The following ATRNL1 variants were observed in gnomAD, a reference collection of about 807,000 sequenced individuals.
The protein encoded by ATRNL1 is attractin like 1.
ATRNL1 carries 95 observed loss-of-function variants against 182.7 expected under a neutral mutation model. The ratio of observed to expected loss-of-function variants is 0.52; its 90% CI spans 0.44 to 0.62. ATRNL1 has a LOEUF of 0.62. Among genes scored for constraint, ATRNL1 ranks in the 20% least tolerant of loss-of-function variants. ATRNL1 has a pLI of 0.00. For synonymous variants in ATRNL1, 576 were observed against 568.3 expected (o/e 1.01, Z -0.19); for missense variants, 1,471 against 1,679.5 (o/e 0.88, Z 2.17).
chr10:115,820,380 G>T (rs1168640035), intron 27 of ATRNL1: 2 of 152,086 alleles, frequency 1.3e-5, no homozygotes, highest in Non-Finnish European at 2.9e-5. Context: ...ATGGCAGGGA[G>T]CCCCATTACC....
chr10:115,599,093 C>T (rs1320144593), intron 26 of ATRNL1, among the ~76,000 whole-genome samples: 1 of 152,036 alleles, frequency 6.6e-6, no homozygotes, highest in Non-Finnish European at 1.5e-5. Context: ...TTTTGTAATA[C>T]CAAGAAATCA....
intron 28 of ATRNL1, among the ~76,000 whole-genome samples, chr10:115,903,155 A>G (rs1555113862): frequency 6.6e-6 from 1 of 152,214 alleles, no homozygotes; most frequent in Non-Finnish European, 1.5e-5. Flanking sequence ...CCAGGGAATT[A>G]ATTATTTAAA....
intron 27 of ATRNL1, among the ~76,000 whole-genome samples, chr10:115,787,749 TG>T (rs1274419175): frequency 6.6e-6 from 1 of 152,190 alleles, no homozygotes; most frequent in East Asian, 1.9e-4. Flanking sequence ...GACCTGTGAA[TG>T]TTACCTTACT....
At chr10:115,378,346 T>G (rs1409341864) in intron 19 of ATRNL1, among the ~76,000 whole-genome samples, 2 of 152,170 alleles carry the variant, frequency 1.3e-5, no homozygotes, top group African/African-American at 2.4e-5. Context: ...CAGGCTGCAG[T>G]CAAGATGAGC....
intron 24 of ATRNL1, among the ~76,000 whole-genome samples, chr10:115,492,212 C>A (rs894090520): frequency 6.6e-6 from 1 of 152,154 alleles, no homozygotes; most frequent in Non-Finnish European, 1.5e-5. Context: ...AATCGTCAAG[C>A]TCTTTATTTT....
At chr10:115,672,712 C>A (rs2532728) in intron 26 of ATRNL1, among the ~76,000 whole-genome samples, 87,779 of 151,862 alleles carry the variant, frequency 0.58, 26,099 homozygotes, top group East Asian at 0.95. Flanking sequence ...ATCTGTCATT[C>A]ATGTCACCAA....
chr10:115,313,617 C>A (rs1188240478), intron 17 of ATRNL1, among the ~76,000 whole-genome samples: 2 of 152,108 alleles, frequency 1.3e-5, no homozygotes, highest in African/African-American at 2.4e-5. Context: ...ACAATTCAGA[C>A]TTTAGGTCAA....
intron 28 of ATRNL1, among the ~76,000 whole-genome samples, chr10:115,903,758 C>T (rs1189549503): frequency 6.6e-6 from 1 of 152,174 alleles, no homozygotes; most frequent in East Asian, 1.9e-4. Context: ...TTCCTCCATA[C>T]TTCCTATGTT....
chr10:115,194,052 AGATACTT>A (rs1592239499), intron 8 of ATRNL1, among the ~76,000 whole-genome samples: 1 of 151,976 alleles, frequency 6.6e-6, no homozygotes, highest in African/African-American at 2.4e-5. Flanking sequence ...TGGTCAGATG[AGATACTT>A]GATACTTGAT....
chr10:115,558,362 T>A (rs1324879721), intron 26 of ATRNL1, among the ~76,000 whole-genome samples: 1 of 152,132 alleles, frequency 6.6e-6, no homozygotes, highest in Non-Finnish European at 1.5e-5. Flanking sequence ...AATTTGAGGT[T>A]CTTATTGGCT....
intron 1 of ATRNL1, chr10:115,096,628 C>G: frequency 7.8e-7 from 1 of 1,283,894 alleles, no homozygotes; most frequent in Non-Finnish European, 1.0e-6. Flanking sequence ...GGTAACTTAG[C>G]TTTTTTTCTA....
intron 25 of ATRNL1, among the ~76,000 whole-genome samples, chr10:115,538,176 T>G (rs1852150792): frequency 6.6e-6 from 1 of 152,368 alleles, no homozygotes; most frequent in Admixed American, 6.5e-5. Context: ...ATACAAGTTT[T>G]ACACAAACAT....
At chr10:115,723,581 T>A (rs2134050642) in intron 26 of ATRNL1, among the ~76,000 whole-genome samples, 2 of 149,494 alleles carry the variant, frequency 1.3e-5, no homozygotes, top group South Asian at 4.3e-4. Flanking sequence ...GGAGTTTCGC[T>A]CTTGTTACCC....
rs2084936210 is a variant in ATRNL1 at position 115,093,758 on chromosome 10, C to A, written c.8C>A (p.Thr3Asn). 3 of 1,415,730 alleles carry A rather than the reference C, an allele frequency of 2.1e-6. No homozygotes were observed. The highest frequency in any genetic ancestry group is 1.5e-5 in the South Asian group (1 of 65,668). 87.7% of individuals were successfully genotyped at this position (1,415,730 alleles called of 1,614,324 possible). A position where few individuals can be genotyped will look rare whatever the true frequency, so the allele number is the denominator to read the frequency against. ME[T>N]GGRARTGTPQ... ...GCAGGGGCGCCGGGGAAGATGGAGA[C>A]TGGGGGCCGGGCCCGCACTGGTACC... The change falls in exon 1 of 29, where the codon ACT becomes AAT. Residue 3 changes from threonine (T) to asparagine (N), a missense_variant. Around this residue, in one of 3 missense-constraint regions of ATRNL1, gnomAD observed 1,031 missense variants for 1,156.0 expected, o/e 0.89. Coordinates refer to ENST00000355044, the MANE Select transcript of ATRNL1 (RefSeq NM_207303.4). This position sits in a 1 kb window ranked among gnomAD's most constrained non-coding sequence, Gnocchi z 6.1.
At chr10:115,176,953 T>C (rs190430638) in intron 8 of ATRNL1, among the ~76,000 whole-genome samples, 1 of 152,120 alleles carries the variant, frequency 6.6e-6, no homozygotes, top group Admixed American at 6.6e-5. Flanking sequence ...ATTTGGGAGT[T>C]CTTGGGAGTT....
chr10:115,360,478 A>C (rs1167174859), intron 19 of ATRNL1, among the ~76,000 whole-genome samples: 2 of 151,766 alleles, frequency 1.3e-5, no homozygotes, highest in African/African-American at 4.8e-5. Flanking sequence ...ATTTCTTAAA[A>C]ACTAGGAATT....
chr10:115,657,691 A>T (rs2133895518), intron 26 of ATRNL1, among the ~76,000 whole-genome samples: 1 of 152,236 alleles, frequency 6.6e-6, no homozygotes, highest in African/African-American at 2.4e-5. Flanking sequence ...CTGTTTCCCC[A>T]TTCATTGTCA....
At chr10:115,310,400 T>G (rs887770792) in intron 17 of ATRNL1, among the ~76,000 whole-genome samples, 2 of 152,174 alleles carry the variant, frequency 1.3e-5, no homozygotes, top group Non-Finnish European at 2.9e-5. Context: ...TGCAACAGTT[T>G]CAGTAGGATT....
At chr10:115,429,785 T>G (rs1592645199) in intron 21 of ATRNL1, among the ~76,000 whole-genome samples, 1 of 152,240 alleles carries the variant, frequency 6.6e-6, no homozygotes, top group Non-Finnish European at 1.5e-5. Context: ...AATTATTTTC[T>G]GGCCGGGCGC....
Sources: gnomAD v4.1 joint callset for allele counts (sites outside exome capture counted in the v4.1 genomes callset) on GRCh38, gnomAD v4.1.1 for gene constraint, gnomAD v4.1.1 regional missense constraint, Gnocchi (gnomAD v3.1) non-coding constraint, MANE v1.5 for transcripts, NCBI Gene and HGNC (gene_info 2026-07-23, HGNC 2026-07-21) for gene names.